Variants in CDC40 observed in about 807,000 individuals in gnomAD.
CDC40 encodes cell division cycle 40.
In CDC40, 27 loss-of-function variants were observed where a neutral mutation model predicts 80.6. That is an observed-to-expected ratio of 0.33 (90% CI 0.25 to 0.46). The LOEUF is 0.46. Among genes scored for constraint, CDC40 ranks in the 20% least tolerant of loss-of-function variants. The pLI, the probability that CDC40 is intolerant of heterozygous loss-of-function variation, is 1.00. For synonymous variants in CDC40, 221 were observed against 232.6 expected (o/e 0.95, Z 0.45); for missense variants, 486 against 694.1 (o/e 0.70, Z 3.37).
At chr6:110,184,495 A>G (rs955637450) in intron 1 of CDC40, among the ~76,000 whole-genome samples, 5 of 150,962 alleles carry the variant, frequency 3.3e-5, no homozygotes. Flanking sequence ...AATAAACAGT[A>G]TTGTATTTTT....
chr6:110,188,875 A>G (rs1028993000), intron 1 of CDC40, among the ~76,000 whole-genome samples: 1 of 152,166 alleles, frequency 6.6e-6, no homozygotes, highest in African/African-American at 2.4e-5. Context: ...ATTAATTTTG[A>G]ATTGTGATTT....
Position 110,230,303 on chromosome 6 carries a change from T to C in CDC40, c.*172T>C. The stretch of plus-strand genomic sequence containing the variant: ...ACATAATTTCATTTGCAACTTCATT[T>C]TGTTTTTTATAAATGTTATTTATAC... On this transcript the variant is annotated 3_prime_UTR_variant, in exon 15 of 15. Coordinates refer to ENST00000307731, the MANE Select transcript of CDC40 (RefSeq NM_015891.3). 1.8e-6 allele frequency: 1 copy of C among 540,944 alleles called. No homozygotes were observed. The highest frequency in any genetic ancestry group is 3.2e-6 in the Non-Finnish European group (1 of 313,870). 33.5% of individuals were successfully genotyped at this position (540,944 alleles called of 1,614,324 possible). A position where few individuals can be genotyped will look rare whatever the true frequency, so the allele number is the denominator to read the frequency against.
chr6:110,220,837 C>CT (rs1777766892), intron 12 of CDC40, among the ~76,000 whole-genome samples: 1 of 152,130 alleles, frequency 6.6e-6, no homozygotes, highest in African/African-American at 2.4e-5. Context: ...TCTCATGTGA[C>CT]TTACTACCAC....
intron 1 of CDC40, among the ~76,000 whole-genome samples, chr6:110,192,481 A>G (rs1777364732): frequency 6.6e-6 from 1 of 152,204 alleles, no homozygotes; most frequent in African/African-American, 2.4e-5. Context: ...TTTTGGATAT[A>G]TTAAGTTTGA....
In CDC40 at chr6:110,230,090, A is replaced by G; in HGVS notation, c.1699A>G (p.Ile567Val). 1.2e-6 allele frequency: 2 copies of G among 1,612,668 alleles called. No homozygotes were observed. Among genetic ancestry groups the G allele is most frequent in the Non-Finnish European group, 1.7e-6 (2 of 1,178,852 alleles). The change falls in exon 15 of 15, where the codon ATA becomes GTA. Residue 567 changes from isoleucine (I) to valine (V), a missense_variant. By Grantham distance (29) the Ile-to-Val change is conservative. This residue lies in a region of CDC40 where 88 missense variants were observed against 138.7 expected (regional missense o/e 0.63). Coordinates refer to ENST00000307731, the MANE Select transcript of CDC40 (RefSeq NM_015891.3). ...GCATCCTCATGAAACTTCTAAGGTC[A>G]TAACATGTGGTTGGGATGGTCTCAT... is the stretch of plus-strand genomic sequence containing the variant. ...VWHPHETSKV[I>V]TCGWDGLIKL...
intron 14 of CDC40, among the ~76,000 whole-genome samples, chr6:110,229,636 A>G (rs941092085): frequency 2.0e-5 from 3 of 152,146 alleles, no homozygotes; most frequent in Non-Finnish European, 4.4e-5. Flanking sequence ...TTCCCTAGCT[A>G]TATGTGGAAT....
chr6:110,217,132 G>A (rs1225750779), intron 9 of CDC40, among the ~76,000 whole-genome samples: 1 of 152,110 alleles, frequency 6.6e-6, no homozygotes, highest in African/African-American at 2.4e-5. Flanking sequence ...AACCATGCAA[G>A]CTAATATAGT....
intron 6 of CDC40, 83 bp from the exon 7 acceptor site, chr6:110,212,050 A>C: frequency 8.6e-7 from 1 of 1,169,502 alleles, no homozygotes; most frequent in Non-Finnish European, 1.3e-6. Context: ...TATACCTGTG[A>C]ATAAAATGTT....
At chr6:110,203,966 AT>A (rs1423672941) in intron 3 of CDC40, among the ~76,000 whole-genome samples, 1 of 152,176 alleles carries the variant, frequency 6.6e-6, no homozygotes, top group Non-Finnish European at 1.5e-5. Context: ...TCTCACAATA[AT>A]TATTAACATG....
intron 12 of CDC40, among the ~76,000 whole-genome samples, chr6:110,220,127 A>G (rs1777749591): frequency 6.6e-6 from 1 of 152,086 alleles, no homozygotes; most frequent in Non-Finnish European, 1.5e-5. Flanking sequence ...CGGATGACAG[A>G]TTTGTATTTT....
Position 110,231,275 on chromosome 6 carries a change from G to C in CDC40, c.*1144G>C, listed in dbSNP as rs1777934547. 1 of 152,236 alleles carries C rather than the reference G, an allele frequency of 6.6e-6. No homozygotes were observed. The highest frequency in any genetic ancestry group is 6.5e-5 in the Admixed American group (1 of 15,292). 9.4% of individuals were successfully genotyped at this position (152,236 alleles called of 1,614,324 possible). A position where few individuals can be genotyped will look rare whatever the true frequency, so the allele number is the denominator to read the frequency against. On this transcript the variant is annotated 3_prime_UTR_variant, in exon 15 of 15. Transcript: ENST00000307731. ...AGCACTTTGGGAGGCTGAGGCAGGT[G>C]AATCACCTGAGGTCAGGAGTTCAAG...
At chr6:110,188,816 G>A (rs1294363786) in intron 1 of CDC40, among the ~76,000 whole-genome samples, 1 of 152,182 alleles carries the variant, frequency 6.6e-6, no homozygotes, top group Non-Finnish European at 1.5e-5. Flanking sequence ...TTTAGTAGTG[G>A]TGTTCAGTCA....
intron 10 of CDC40, among the ~76,000 whole-genome samples, chr6:110,218,566 A>G (rs1309066597): frequency 6.6e-6 from 1 of 152,200 alleles, no homozygotes; most frequent in Non-Finnish European, 1.5e-5. Context: ...GCTCTCTCTG[A>G]TGCCAAAGCC....
rs1399886010 is a variant in CDC40, at chr6:110,226,374, C to A, written c.1417+131C>A. Reference sequence around the variant, plus strand: ...TGTGCCATTATTTGTATAAGGTAATCTTTACAATATTAGAAAGAATTACTG... The same window carrying A: ...TGTGCCATTATTTGTATAAGGTAATATTTACAATATTAGAAAGAATTACTG... On this transcript the variant is annotated intron_variant, in intron 13 of 14. Transcript: ENST00000307731. 1.2e-5 allele frequency: 6 copies of A among 487,450 alleles called. No homozygotes were observed. In the East Asian group the frequency reaches 1.9e-4, roughly 15 times the overall value. 30.2% of individuals were successfully genotyped at this position (487,450 alleles called of 1,614,324 possible).
rs1777641817 is a variant in CDC40, at chr6:110,211,907, C to T, written c.728-226C>T. The T allele has an allele frequency of 4.1e-5, 19 of 466,958 alleles. No individual in the cohort carries two copies. In the South Asian group the frequency reaches 5.6e-4, roughly 14 times the overall value. The allele number at this position is 466,958 out of a possible 1,614,324, so 28.9% of individuals were successfully genotyped here. ...GATATTATCTAAAGGTCTATAATCT[C>T]TGGATATTTAGGAATTTCGAAATAC... On this transcript the variant is annotated intron_variant, in intron 6 of 14. Coordinates refer to ENST00000307731, the MANE Select transcript of CDC40 (RefSeq NM_015891.3).
At chr6:110,186,398 C>T (rs1018557136) in intron 1 of CDC40, among the ~76,000 whole-genome samples, 1 of 151,914 alleles carries the variant, frequency 6.6e-6, no homozygotes, top group Non-Finnish European at 1.5e-5. Flanking sequence ...GTAGGGGGAT[C>T]GCTGGAGCCA....
In CDC40 at chr6:110,212,161, G is replaced by A; in HGVS notation, c.756G>A (p.Arg252=). The A allele has an allele frequency of 2.5e-6, 4 of 1,613,588 alleles. No homozygotes were observed. The highest frequency in any genetic ancestry group is 1.3e-5 in the African/African-American group (1 of 75,022). Residue 252 remains arginine (R), a synonymous_variant, in exon 7 of 15, where the codon AGG becomes AGA. Coordinates refer to ENST00000307731, the MANE Select transcript of CDC40 (RefSeq NM_015891.3). ...AAGAAATGTATGACTATCAAGGCAG[G>A]TCCTATCTTCACATACCTCAGGATG... ...HVKEMYDYQG[R]SYLHIPQDVG...
rs77031598 is a variant in CDC40 at position 110,215,668 on chromosome 6, A to G, written c.988+337A>G. On this transcript the variant is annotated intron_variant, in intron 9 of 14. Transcript: ENST00000307731. ...GGAAGACCTCCTGTGCCATTAATAA[A>G]GAGTTTAGCCTCTGTTGTGAGGGCA... is the stretch of plus-strand genomic sequence containing the variant. Among the ~76,000 whole-genome samples, 1,108 of 152,312 alleles carry G rather than the reference A, an allele frequency of 7.3e-3. 14 individuals carry two copies. The highest frequency in any genetic ancestry group is 0.025 in the African/African-American group (1,036 of 41,560).
intron 1 of CDC40, among the ~76,000 whole-genome samples, chr6:110,183,499 A>C (rs2114645566): frequency 6.6e-6 from 1 of 152,338 alleles, no homozygotes; most frequent in South Asian, 2.1e-4. Context: ...CCAGAAGTCC[A>C]TTAGAGGTAG....
Sources: gnomAD v4.1 joint callset for allele counts (sites outside exome capture counted in the v4.1 genomes callset) on GRCh38, gnomAD v4.1.1 for gene constraint, gnomAD v4.1.1 regional missense constraint, MANE v1.5 for transcripts, NCBI Gene and HGNC (gene_info 2026-07-23, HGNC 2026-07-21) for gene names.